NDST3: variants seen among roughly 807,000 people sequenced by gnomAD.
The protein encoded by NDST3 is N-deacetylase and N-sulfotransferase 3, also known as bifunctional heparan sulfate N-deacetylase/N-sulfotransferase 3.
Under a neutral mutation model 96.1 loss-of-function variants are expected in NDST3, and 58 were observed. The ratio of observed to expected loss-of-function variants is 0.60; its 90% confidence interval spans 0.49 to 0.75. The LOEUF (loss-of-function observed/expected upper bound fraction) is 0.75. Ranked by LOEUF, NDST3 falls within the 30% of genes least tolerant of loss-of-function variation. The pLI is 0.00. For missense variants in NDST3, 788 were observed against 1,034.2 expected (o/e 0.76, Z 3.27); for synonymous variants, 333 against 359.7 (o/e 0.93, Z 0.84).
At chr4:118,169,977 C>A (rs1473948393) in intron 6 of NDST3, among the ~76,000 whole-genome samples, 1 of 152,068 alleles carries the variant, frequency 6.6e-6, no homozygotes, top group African/African-American at 2.4e-5. Context: ...GGGGGCTTAT[C>A]TGGGTCTCTT....
In NDST3 at chr4:118,205,375, A is replaced by G. The variant is rs1481450095; in HGVS notation, c.1540-19116A>G. Among the ~76,000 whole-genome samples, 4 of 144,858 alleles carry G rather than the reference A, an allele frequency of 2.8e-5. 1 individual carries two copies. Among genetic ancestry groups the G allele is most frequent in the African/African-American group, 1.0e-4 (4 of 39,330 alleles). ...CATTGAGTTTATCTATTTATATATC[A>G]TTTAAAAAACAGAATGGAAATCTTC... On this transcript the variant is annotated intron_variant, in intron 6 of 13. Coordinates refer to ENST00000296499, the MANE Select transcript of NDST3 (RefSeq NM_004784.3).
intron 7 of NDST3, 30 bp from the exon 8 acceptor site, chr4:118,226,856 A>T: frequency 6.6e-7 from 1 of 1,519,166 alleles, no homozygotes. Context: ...CATGAAAAAA[A>T]ATACATCTCT....
intron 2 of NDST3, among the ~76,000 whole-genome samples, chr4:118,096,901 C>A (rs950833687): frequency 6.6e-6 from 1 of 151,846 alleles, no homozygotes; most frequent in Non-Finnish European, 1.5e-5. Context: ...GTTCGATACT[C>A]AAGAGTCAAT....
intron 6 of NDST3, among the ~76,000 whole-genome samples, chr4:118,161,195 A>G (rs1043673043): frequency 1.4e-4 from 21 of 152,270 alleles, no homozygotes; most frequent in African/African-American, 5.1e-4. Flanking sequence ...GATTTTCGTG[A>G]ACTGCGAATG....
intron 9 of NDST3, among the ~76,000 whole-genome samples, chr4:118,235,291 G>T (rs1427061497): frequency 2.0e-5 from 3 of 152,102 alleles, no homozygotes; most frequent in African/African-American, 7.2e-5. Context: ...CCTATTTGTG[G>T]AGCTTCAAGG....
rs201198696 is a variant in NDST3 at position 118,240,674 on chromosome 4, G to T, written c.2269G>T (p.Val757Phe). 59 of 1,613,246 alleles carry T rather than the reference G, an allele frequency of 3.7e-5. No individual in the cohort carries two copies. Among genetic ancestry groups the T allele is most frequent in the Non-Finnish European group, 4.9e-5 (58 of 1,179,696 alleles). Residue 757 changes from valine (V) to phenylalanine (F), a missense_variant, in exon 11 of 14, where the codon GTT becomes TTT. Physicochemically the swap from Val to Phe is conservative, Grantham distance 50. Coordinates refer to ENST00000296499, the MANE Select transcript of NDST3 (RefSeq NM_004784.3). The stretch of plus-strand genomic sequence containing the variant: ...TGCCAGCCACATCGAGAGATGGCTT[G>T]TTTATTTCCCCCCATTTCAGGTATG... ...WYASHIERWLVYFPPFQLLII... is the reference protein window; with the variant it reads ...WYASHIERWLFYFPPFQLLII...
chr4:118,044,764 C>T (rs1724661734), intron 1 of NDST3, among the ~76,000 whole-genome samples: 1 of 152,084 alleles, frequency 6.6e-6, no homozygotes, highest in Non-Finnish European at 1.5e-5. Flanking sequence ...TGGTGAGGGC[C>T]TTCTTACTGT....
intron 6 of NDST3, among the ~76,000 whole-genome samples, chr4:118,159,627 G>A (rs958666997): frequency 2.0e-5 from 3 of 152,110 alleles, no homozygotes; most frequent in Admixed American, 6.6e-5. Flanking sequence ...ATTACCTGAC[G>A]AGAATTCAAA....
At chr4:118,210,509 G>A in intron 6 of NDST3, among the ~76,000 whole-genome samples, 1 of 152,086 alleles carries the variant, frequency 6.6e-6, no homozygotes, top group East Asian at 1.9e-4. Flanking sequence ...CGGGCACGGT[G>A]TTTCACACCT....
intron 6 of NDST3, among the ~76,000 whole-genome samples, chr4:118,164,406 G>A (rs1427529696): frequency 5.3e-5 from 8 of 152,166 alleles, no homozygotes; most frequent in Admixed American, 1.3e-4. Flanking sequence ...TCTTGGGTAC[G>A]TGGGTGATGA....
chr4:118,176,793 A>T (rs1263511845), intron 6 of NDST3, among the ~76,000 whole-genome samples: 4 of 152,090 alleles, frequency 2.6e-5, no homozygotes, highest in African/African-American at 9.6e-5. Context: ...ACTTTATGAG[A>T]TATGAAATAA....
At chr4:118,051,569 CA>C (rs1725079647) in intron 1 of NDST3, among the ~76,000 whole-genome samples, 1 of 151,936 alleles carries the variant, frequency 6.6e-6, no homozygotes, top group Admixed American at 6.6e-5. Context: ...AAGAAACAAC[CA>C]ACCCCCTTTA....
chr4:118,218,720 G>T (rs902619496), intron 6 of NDST3, among the ~76,000 whole-genome samples: 2 of 152,034 alleles, frequency 1.3e-5, no homozygotes, highest in African/African-American at 4.8e-5. Flanking sequence ...AGAAATAAAG[G>T]GTATTCAGAT....
rs56067967 is a variant in NDST3 at position 118,096,659 on chromosome 4, GTAGATAGATAGATAGA to G, written c.982-8322_982-8307del. On this transcript the variant is annotated intron_variant, in intron 2 of 13. Transcript: ENST00000296499. ...CAATACATACTCCATTATGGCTAGAGTAGATAGATAGATAGATAGATAGATAGATAGATAGATAGAT... is the reference window on the plus strand; with the variant it reads ...CAATACATACTCCATTATGGCTAGAGTAGATAGATAGATAGATAGATAGAT... 5.5e-4 allele frequency among the ~76,000 whole-genome samples: 79 copies of G among 144,934 alleles called. No individual in the cohort carries two copies. In the East Asian group the frequency reaches 5.8e-3, roughly 11 times the overall value.
At chr4:118,251,513 A>T (rs1361931222) in intron 12 of NDST3, among the ~76,000 whole-genome samples, 1 of 152,180 alleles carries the variant, frequency 6.6e-6, no homozygotes, top group Non-Finnish European at 1.5e-5. Flanking sequence ...TTTTTCATAT[A>T]GATATCCAAT....
intron 5 of NDST3, among the ~76,000 whole-genome samples, chr4:118,140,207 C>G (rs909374216): frequency 2.0e-5 from 3 of 152,196 alleles, no homozygotes; most frequent in African/African-American, 7.2e-5. Context: ...TTTCTGGCCA[C>G]TATCTACCTA....
intron 6 of NDST3, among the ~76,000 whole-genome samples, chr4:118,160,070 C>A (rs1239885289): frequency 6.6e-6 from 1 of 152,092 alleles, no homozygotes; most frequent in Non-Finnish European, 1.5e-5. Flanking sequence ...AGAAGGCCAA[C>A]AAACTCCAAC....
At chr4:118,122,084 G>C (rs115256772) in intron 4 of NDST3, among the ~76,000 whole-genome samples, 2 of 151,942 alleles carry the variant, frequency 1.3e-5, no homozygotes, top group African/African-American at 4.8e-5. Context: ...TAACTTAAAC[G>C]ATTTCATAAA....
intron 12 of NDST3, among the ~76,000 whole-genome samples, chr4:118,246,937 G>A (rs776022930): frequency 3.3e-5 from 5 of 152,176 alleles, no homozygotes; most frequent in Non-Finnish European, 7.3e-5. Context: ...AATATGTGGA[G>A]AAACTAGAAT....
Sources: gnomAD v4.1 joint callset for allele counts (sites outside exome capture counted in the v4.1 genomes callset) on GRCh38, gnomAD v4.1.1 for gene constraint, MANE v1.5 for transcripts, NCBI Gene and HGNC (gene_info 2026-07-23, HGNC 2026-07-21) for gene names.